Variants in ARID2 observed in about 807,000 individuals in gnomAD.
ARID2 encodes the protein AT-rich interaction domain 2.
ARID2 carries 32 observed loss-of-function variants against 184.6 expected under a neutral mutation model. The ratio of observed to expected loss-of-function variants is 0.17; its 90% confidence interval spans 0.13 to 0.23. ARID2 has a LOEUF of 0.23. Among genes scored for constraint, ARID2 ranks in the 10% least tolerant of loss-of-function variants. The probability of loss-of-function intolerance (pLI) is 1.00; values close to 1 mark genes in which losing one functional copy is unlikely to be tolerated. For synonymous variants in ARID2, 836 were observed against 772.6 expected (o/e 1.08, Z -1.36); for missense variants, 1,696 against 2,197.6 (o/e 0.77, Z 4.56).
chr12:45,740,635 T>A (rs1941234248), intron 3 of ARID2, among the ~76,000 whole-genome samples: 1 of 152,130 alleles, frequency 6.6e-6, no homozygotes, highest in Non-Finnish European at 1.5e-5. Context: ...AACCTTAACA[T>A]GGATAAAATT....
At chr12:45,846,356 T>C (rs1030356640) in intron 11 of ARID2, among the ~76,000 whole-genome samples, 3 of 152,192 alleles carry the variant, frequency 2.0e-5, no homozygotes, top group Non-Finnish European at 4.4e-5. Context: ...TACAGAGTTA[T>C]TAATCTTTTA....
intron 20 of ARID2, among the ~76,000 whole-genome samples, chr12:45,897,547 G>A (rs1299063659): frequency 1.3e-5 from 2 of 152,216 alleles, no homozygotes; most frequent in East Asian, 3.9e-4. Context: ...GTGTAAAACA[G>A]GGCAGTTCCT....
At chr12:45,802,931 C>G (rs1942533754) in intron 3 of ARID2, among the ~76,000 whole-genome samples, 2 of 151,978 alleles carry the variant, frequency 1.3e-5, no homozygotes, top group African/African-American at 2.4e-5. Context: ...CTAATCTTAC[C>G]CCGTAATCTT....
chr12:45,897,594 G>A (rs1944386213), intron 20 of ARID2, among the ~76,000 whole-genome samples: 1 of 152,114 alleles, frequency 6.6e-6, no homozygotes, highest in South Asian at 2.1e-4. Context: ...TCATTCAGCA[G>A]TCCCACTTCT....
At chr12:45,901,663 T>C (rs1944461809) in intron 20 of ARID2, among the ~76,000 whole-genome samples, 1 of 152,000 alleles carries the variant, frequency 6.6e-6, no homozygotes, top group Non-Finnish European at 1.5e-5. Flanking sequence ...GGGGTTTGCT[T>C]ATCCTCCGCC....
chr12:45,790,515 G>A (rs1480697215), intron 3 of ARID2, among the ~76,000 whole-genome samples: 1 of 152,016 alleles, frequency 6.6e-6, no homozygotes, highest in East Asian at 1.9e-4. Context: ...TTCTTTGTAA[G>A]GGTCCTGTAC....
At chr12:45,798,245 G>A (rs371681838) in intron 3 of ARID2, among the ~76,000 whole-genome samples, 8 of 151,818 alleles carry the variant, frequency 5.3e-5, no homozygotes, top group Admixed American at 1.3e-4. Flanking sequence ...AAAAACTACC[G>A]TAATATTCTA....
chr12:45,815,809 C>T (rs1274695873), intron 4 of ARID2, among the ~76,000 whole-genome samples: 1 of 152,064 alleles, frequency 6.6e-6, no homozygotes, highest in Non-Finnish European at 1.5e-5. Flanking sequence ...TTACAGCACA[C>T]ACCACCACAA....
At chr12:45,793,457 T>G (rs963929909) in intron 3 of ARID2, among the ~76,000 whole-genome samples, 3 of 152,030 alleles carry the variant, frequency 2.0e-5, no homozygotes, top group Non-Finnish European at 4.4e-5. Flanking sequence ...TGTCTAATAC[T>G]TGGTGCTTTT....
chr12:45,773,525 A>G (rs897701628), intron 3 of ARID2, among the ~76,000 whole-genome samples: 1 of 152,134 alleles, frequency 6.6e-6, no homozygotes, highest in African/African-American at 2.4e-5. Context: ...AACAAAACAC[A>G]GATTACTAGA....
At chr12:45,857,316 AT>A (rs1052403497) in intron 15 of ARID2, among the ~76,000 whole-genome samples, 6 of 152,202 alleles carry the variant, frequency 3.9e-5, no homozygotes, top group Non-Finnish European at 7.3e-5. Flanking sequence ...CAGAAAATAG[AT>A]TGGTAGCCTC....
chr12:45,852,779 A>G lies in ARID2; in HGVS notation c.4656A>G (p.Thr1552=). 2 of 1,614,124 alleles carry G rather than the reference A, an allele frequency of 1.2e-6. No homozygotes were observed. The highest frequency in any genetic ancestry group is 1.7e-6 in the Non-Finnish European group (2 of 1,179,986). Reference sequence around the variant, plus strand: ...CCAACAATGCTGGCTGCAGCGCAACAATGGTTGCTGTGCCAGCAGGAGCAG... The same window carrying G: ...CCAACAATGCTGGCTGCAGCGCAACGATGGTTGCTGTGCCAGCAGGAGCAG... The part of the protein sequence containing the change: ...SDPNNAGCSA[T]MVAVPAGADP... The change falls in exon 15 of 21, where the codon ACA becomes ACG. Residue 1552 remains threonine, a synonymous_variant. Coordinates refer to ENST00000334344, the MANE Select transcript of ARID2 (RefSeq NM_152641.4).
intron 3 of ARID2, among the ~76,000 whole-genome samples, chr12:45,809,803 T>C (rs1565604608): frequency 6.6e-6 from 1 of 152,230 alleles, no homozygotes; most frequent in Non-Finnish European, 1.5e-5. Context: ...ATGTGAATTA[T>C]TGTGTCTTGT....
intron 16 of ARID2, among the ~76,000 whole-genome samples, chr12:45,866,164 T>TATAC (rs1358982565): frequency 2.6e-5 from 4 of 152,114 alleles, no homozygotes; most frequent in African/African-American, 9.6e-5. Flanking sequence ...ACTATATATA[T>TATAC]ATACTTTTTA....
At chr12:45,780,722 G>C (rs931142668) in intron 3 of ARID2, among the ~76,000 whole-genome samples, 1 of 152,036 alleles carries the variant, frequency 6.6e-6, no homozygotes, top group Non-Finnish European at 1.5e-5. Flanking sequence ...GGGTTCAAGT[G>C]ATTCTCCTGC....
chr12:45,822,607 A>G (rs1942919125), intron 6 of ARID2, among the ~76,000 whole-genome samples: 1 of 152,150 alleles, frequency 6.6e-6, no homozygotes. Flanking sequence ...TTAGGGAACT[A>G]CTTTATTTTT....
At chr12:45,763,843 G>A (rs368257545) in intron 3 of ARID2, among the ~76,000 whole-genome samples, 32 of 152,102 alleles carry the variant, frequency 2.1e-4, no homozygotes, top group East Asian at 1.4e-3. Context: ...TTTTTATATC[G>A]TTAATGGTTT....
At chr12:45,752,272 A>G (rs190331013) in intron 3 of ARID2, among the ~76,000 whole-genome samples, 129 of 152,324 alleles carry the variant, frequency 8.5e-4, no homozygotes, top group African/African-American at 2.7e-3. Flanking sequence ...TTGAACCTTA[A>G]TAAATGCTGT....
Position 45,839,492 on chromosome 12 carries a change from C to G in ARID2, c.1494C>G (p.Ala498=), listed in dbSNP as rs1272133545. ...QVQTQTHVAS[A]PASRAVVAQH... ...AAACCCAGACTCATGTAGCATCTGC[C>G]CCAGGTTAGTGTTTTCACATATTCT... Residue 498 remains alanine (A), a synonymous_variant, in exon 11 of 21, where the codon GCC becomes GCG. Transcript: ENST00000334344. The G allele has an allele frequency of 6.2e-7, 1 of 1,609,410 alleles. No homozygotes were observed. Among genetic ancestry groups the G allele is most frequent in the South Asian group, 1.1e-5 (1 of 90,134 alleles).
Sources: allele counts gnomAD v4.1 joint callset (sites outside exome capture counted in the v4.1 genomes callset), GRCh38; gene constraint gnomAD v4.1.1; transcripts MANE v1.5; gene names NCBI Gene and HGNC (gene_info 2026-07-23, HGNC 2026-07-21).